SLC6A4: variants seen among roughly 807,000 people sequenced by gnomAD.
SLC6A4 encodes the protein solute carrier family 6 member 4.
A neutral mutation model predicts 73.4 loss-of-function variants in SLC6A4; 22 were observed. That is an observed-to-expected ratio of 0.30 (90% CI 0.21 to 0.43). SLC6A4 has a LOEUF of 0.43. Ranked by LOEUF, SLC6A4 falls within the 20% of genes least tolerant of loss-of-function variation. The pLI is 1.00. For synonymous variants in SLC6A4, 270 were observed against 315.5 expected (o/e 0.86, Z 1.53); for missense variants, 593 against 808.5 (o/e 0.73, Z 3.23).
chr17:30,223,720 G>T (rs1016020952), intron 1 of SLC6A4, among the ~76,000 whole-genome samples: 1 of 152,112 alleles, frequency 6.6e-6, no homozygotes, highest in African/African-American at 2.4e-5. Flanking sequence ...TACCGCACTT[G>T]TTGGGCCCTC....
rs72557984 is a variant in SLC6A4, at chr17:30,235,627, G to C, written c.-235C>G. ...AGCGGACCCACCTGCCAGGCTGCGC[G>C]GGGAGGCTGGTCCCGGGCTGGGCAG... On this transcript the variant is annotated 5_prime_UTR_variant, in exon 1 of 15. Coordinates refer to ENST00000650711, the MANE Select transcript of SLC6A4 (RefSeq NM_001045.6). The surrounding 1 kb of genome is among the most constrained non-coding windows in gnomAD (Gnocchi z 4.5). The C allele has an allele frequency of 6.6e-6, 1 of 152,322 alleles. No homozygotes were observed. The highest frequency in any genetic ancestry group is 2.4e-5 in the African/African-American group (1 of 41,464). The allele number at this position is 152,322 out of a possible 1,614,324, so 9.4% of individuals were successfully genotyped here. A position where few individuals can be genotyped will look rare whatever the true frequency, so the allele number is the denominator to read the frequency against.
chr17:30,216,025 A>T (rs1007216124), intron 7 of SLC6A4, 57 bp downstream of exon 7: 184 of 1,519,722 alleles, frequency 1.2e-4, no homozygotes, highest in Non-Finnish European at 1.5e-4. Flanking sequence ...TTGGAGGAGG[A>T]CCAGCTTCGT....
Position 30,235,259 on chromosome 17 carries a change from C to T in SLC6A4, c.-221+354G>A, listed in dbSNP as rs1907233031. On this transcript the variant is annotated intron_variant, in intron 1 of 14. Transcript: ENST00000650711. This position sits in a 1 kb window ranked among gnomAD's most constrained non-coding sequence, Gnocchi z 4.5. ...CATGGGTTGAAACGAAAGCAAGCAACTCTTCCCAAAGCGCAGGACAGCACT... is the reference window on the plus strand; with the variant it reads ...CATGGGTTGAAACGAAAGCAAGCAATTCTTCCCAAAGCGCAGGACAGCACT... 6.6e-6 allele frequency among the ~76,000 whole-genome samples: 1 copy of T among 152,236 alleles called. No individual in the cohort carries two copies. Among genetic ancestry groups the T allele is most frequent in the African/African-American group, 2.4e-5 (1 of 41,466 alleles).
At chr17:30,227,998 T>C (rs2143016234) in intron 1 of SLC6A4, among the ~76,000 whole-genome samples, 1 of 152,338 alleles carries the variant, frequency 6.6e-6, no homozygotes, top group African/African-American at 2.4e-5. Flanking sequence ...GCCAAAAGGA[T>C]ACTGGATTAT....
intron 1 of SLC6A4, among the ~76,000 whole-genome samples, chr17:30,230,667 G>A (rs1047628967): frequency 2.6e-5 from 4 of 152,120 alleles, no homozygotes; most frequent in African/African-American, 9.7e-5. Context: ...AATAAAATGG[G>A]AGTGGAGAAG....
At position 30,235,200 on chromosome 17, in the gene SLC6A4, C is replaced by G. The variant is rs1365700848; in HGVS notation, c.-221+413G>C. Among the ~76,000 whole-genome samples the G allele has an allele frequency of 6.6e-6, 1 of 152,134 alleles. No individual in the cohort carries two copies. Among genetic ancestry groups the G allele is most frequent in the Non-Finnish European group, 1.5e-5 (1 of 68,026 alleles). On this transcript the variant is annotated intron_variant, in intron 1 of 14. Transcript: ENST00000650711. This position sits in a 1 kb window ranked among gnomAD's most constrained non-coding sequence, Gnocchi z 4.5. ...CTCCCTTTGCATAAAGCCACCTGCA[C>G]GCGATGACAGCAAAGTAAAGATCAA...
At chr17:30,228,700 TTA>T (rs1906997903) in intron 1 of SLC6A4, among the ~76,000 whole-genome samples, 1 of 152,202 alleles carries the variant, frequency 6.6e-6, no homozygotes, top group African/African-American at 2.4e-5. Flanking sequence ...CTTCCTCTAA[TTA>T]TCCTGCACCC....
intron 12 of SLC6A4, 22 bp downstream of exon 12, chr17:30,209,121 C>T (rs201410046): frequency 6.4e-6 from 10 of 1,571,018 alleles, no homozygotes; most frequent in Non-Finnish European, 7.9e-6. Context: ...AGGGACCCAG[C>T]TGGCTGAAGG....
At chr17:30,224,069 C>T (rs1010632575) in intron 1 of SLC6A4, among the ~76,000 whole-genome samples, 3 of 152,186 alleles carry the variant, frequency 2.0e-5, no homozygotes, top group African/African-American at 2.4e-5. Context: ...TACTTCCCTC[C>T]GGCCTATATC....
intron 1 of SLC6A4, among the ~76,000 whole-genome samples, chr17:30,229,079 G>T (rs1907010413): frequency 6.6e-6 from 1 of 152,184 alleles, no homozygotes; most frequent in African/African-American, 2.4e-5. Context: ...GTCCCTCCCT[G>T]CCTCACCCAT....
chr17:30,226,977 A>G (rs1906949907), intron 1 of SLC6A4, among the ~76,000 whole-genome samples: 1 of 152,208 alleles, frequency 6.6e-6, no homozygotes, highest in Non-Finnish European at 1.5e-5. Context: ...ACCAACTGCT[A>G]GGAAAAACAC....
intron 6 of SLC6A4, among the ~76,000 whole-genome samples, chr17:30,216,846 TGTTTG>T (rs1011517982): frequency 3.6e-5 from 2 of 54,932 alleles, no homozygotes; most frequent in East Asian, 5.0e-3. Flanking sequence ...TGTTTTTTTT[TGTTTG>T]TTTGTTTGTT....
In SLC6A4 at chr17:30,227,578, C is replaced by T. The variant is rs189379152; in HGVS notation, c.-220-4663G>A. On this transcript the variant is annotated intron_variant, in intron 1 of 14. Coordinates refer to ENST00000650711, the MANE Select transcript of SLC6A4 (RefSeq NM_001045.6). ...ATGGCTCTCTGCAGCCTCAACCTCC[C>T]GGGCTCAAGGAATCCTCCCACCTCA... is the stretch of plus-strand genomic sequence containing the variant. Among the ~76,000 whole-genome samples, 9 of 152,182 alleles carry T rather than the reference C, an allele frequency of 5.9e-5. No homozygotes were observed. In the East Asian group the frequency reaches 7.7e-4, roughly 13 times the overall value.
At position 30,212,743 on chromosome 17, in the gene SLC6A4, C is replaced by T. The variant is rs374583307; in HGVS notation, c.1201G>A (p.Ala401Thr). The change falls in exon 9 of 15, where the codon GCA becomes ACA. Residue 401 changes from alanine to threonine, a missense_variant. By Grantham distance (58) the Ala-to-Thr change is moderately conservative (BLOSUM62 0). Transcript: ENST00000650711. ...NEDVSEVAKD[A>T]GPSLLFITYA... ...TGCATAGAACCCGAGGTCCTACCTG[C>T]GTCTTTGGCCACCTCAGACACATCT... 6 of 1,614,010 alleles carry T rather than the reference C, an allele frequency of 3.7e-6. No individual in the cohort carries two copies. The highest frequency in any genetic ancestry group is 1.7e-5 in the Admixed American group (1 of 60,002).
intron 6 of SLC6A4, 56 bp downstream of exon 6, chr17:30,217,110 T>C: frequency 6.4e-7 from 1 of 1,556,690 alleles, no homozygotes; most frequent in Non-Finnish European, 8.7e-7. Flanking sequence ...GGTTTTGAGT[T>C]TGAGAGCCTG....
intron 3 of SLC6A4, 45 bp from the exon 4 acceptor site, chr17:30,218,976 C>T (rs41274286): frequency 4.7e-4 from 752 of 1,609,476 alleles, no homozygotes; most frequent in Non-Finnish European, 4.7e-4. Context: ...CACGTCTGTC[C>T]CAGGATAGCC....
chr17:30,209,511 G>A, intron 11 of SLC6A4, among the ~76,000 whole-genome samples: 1 of 152,138 alleles, frequency 6.6e-6, no homozygotes, highest in East Asian at 1.9e-4. Context: ...GCCAGGCGTG[G>A]TGGCACACGC....
At chr17:30,219,352 ACCT>A (rs1449689638) in intron 3 of SLC6A4, among the ~76,000 whole-genome samples, 1 of 152,190 alleles carries the variant, frequency 6.6e-6, no homozygotes, top group Non-Finnish European at 1.5e-5. Context: ...TCTACCCCAG[ACCT>A]CCTGAAGCGG....
intron 13 of SLC6A4, 44 bp downstream of exon 13, chr17:30,207,688 A>G: frequency 4.0e-6 from 5 of 1,255,654 alleles, no homozygotes; most frequent in South Asian, 2.4e-5. Context: ...GTCTGGGGGA[A>G]GTCTTTCGCC....
Sources: allele counts gnomAD v4.1 joint callset (sites outside exome capture counted in the v4.1 genomes callset), GRCh38; gene constraint gnomAD v4.1.1; non-coding constraint Gnocchi (gnomAD v3.1); transcripts MANE v1.5; gene names NCBI Gene and HGNC (gene_info 2026-07-23, HGNC 2026-07-21).